The following SPMIP3 variants were observed in gnomAD, a reference collection of about 807,000 sequenced individuals.
SPMIP3 encodes the protein sperm microtubule inner protein 3.
At chr1:244,374,701 A>G in the SPMIP3 span, among the ~76,000 whole-genome samples, 1 of 146,436 alleles carries the variant, frequency 6.8e-6, no homozygotes, top group Admixed American at 7.1e-5. Flanking sequence ...AGTTAAAGCA[A>G]TTCTCCTGGC....
At chr1:244,372,563 C>T in the SPMIP3 span, among the ~76,000 whole-genome samples, 1 of 152,096 alleles carries the variant, frequency 6.6e-6, no homozygotes, top group African/African-American at 2.4e-5. Context: ...CCTGCCCCAG[C>T]CTCCCAAATA....
At chr1:244,375,585 A>G in the SPMIP3 span, 1 of 641,884 alleles carries the variant, frequency 1.6e-6, no homozygotes, top group South Asian at 2.4e-5. Context: ...CAAAAATAAT[A>G]ATGGATAGAA....
At chr1:244,384,581 G>A in the SPMIP3 span, among the ~76,000 whole-genome samples, 13 of 152,144 alleles carry the variant, frequency 8.5e-5, no homozygotes, top group African/African-American at 1.2e-4. Context: ...CCCAATACCA[G>A]TTAAATCAGG....
chr1:244,371,622 G>A, the SPMIP3 span, among the ~76,000 whole-genome samples: 5 of 152,186 alleles, frequency 3.3e-5, no homozygotes, highest in African/African-American at 7.2e-5. Context: ...AAGGAGCAGC[G>A]CTGAGTTTAC....
the SPMIP3 span, chr1:244,375,395 G>A: frequency 6.2e-7 from 1 of 1,613,850 alleles, no homozygotes; most frequent in East Asian, 2.2e-5. Context: ...CACCAAGGAA[G>A]AGACGTTCAA....
At chr1:244,354,967 C>G in the SPMIP3 span, among the ~76,000 whole-genome samples, 1 of 152,198 alleles carries the variant, frequency 6.6e-6, no homozygotes, top group Non-Finnish European at 1.5e-5. Context: ...CTGACATTAT[C>G]TCCTCTACCA....
At chr1:244,387,581 G>C in the SPMIP3 span, among the ~76,000 whole-genome samples, 1 of 152,206 alleles carries the variant, frequency 6.6e-6, no homozygotes, top group African/African-American at 2.4e-5. Flanking sequence ...TGGCTGTGTG[G>C]CCCTGGGCAA....
the SPMIP3 span, among the ~76,000 whole-genome samples, chr1:244,354,250 T>G: frequency 6.6e-6 from 1 of 152,128 alleles, no homozygotes; most frequent in East Asian, 1.9e-4. Context: ...GATTAATTAA[T>G]AACTTGCTAG....
chr1:244,360,542 ACACACACACACACACATG>A, the SPMIP3 span, among the ~76,000 whole-genome samples: 154 of 62,696 alleles, frequency 2.5e-3, 4 homozygotes, highest in African/African-American at 8.0e-3. Flanking sequence ...ACACACACAC[ACACACACACACACACATG>A]CATGCATGGA....
the SPMIP3 span, among the ~76,000 whole-genome samples, chr1:244,360,040 C>T: frequency 5.3e-5 from 8 of 151,882 alleles, no homozygotes; most frequent in Non-Finnish European, 1.0e-4. Flanking sequence ...ACCCGGGAGG[C>T]GGAGGTTGCA....
chr1:244,367,268 G>A, the SPMIP3 span, among the ~76,000 whole-genome samples: 1 of 152,158 alleles, frequency 6.6e-6, no homozygotes, highest in Non-Finnish European at 1.5e-5. Context: ...TACATGCAAT[G>A]GGTTGAAGGG....
chr1:244,378,812 A>C, the SPMIP3 span, among the ~76,000 whole-genome samples: 1 of 151,622 alleles, frequency 6.6e-6, no homozygotes, highest in Non-Finnish European at 1.5e-5. Context: ...GGGGCTTCCC[A>C]AGGCTCCCCG....
the SPMIP3 span, chr1:244,389,080 C>T: frequency 2.5e-6 from 4 of 1,595,520 alleles, no homozygotes; most frequent in African/African-American, 1.3e-5. Context: ...CCACGGCATT[C>T]GAACAAAATA....
At chr1:244,388,659 G>A in the SPMIP3 span, among the ~76,000 whole-genome samples, 1 of 152,168 alleles carries the variant, frequency 6.6e-6, no homozygotes, top group Non-Finnish European at 1.5e-5. Context: ...CACTGATAAT[G>A]TACGACTAAA....
the SPMIP3 span, among the ~76,000 whole-genome samples, chr1:244,373,208 C>T: frequency 6.6e-6 from 1 of 151,096 alleles, no homozygotes; most frequent in African/African-American, 2.4e-5. Flanking sequence ...TAATGAGACC[C>T]TGTCTTTTAA....
the SPMIP3 span, among the ~76,000 whole-genome samples, chr1:244,374,839 C>A: frequency 1.3e-5 from 2 of 151,990 alleles, no homozygotes; most frequent in African/African-American, 4.8e-5. Context: ...CCCAAGTGAT[C>A]CACCCACCTT....
the SPMIP3 span, among the ~76,000 whole-genome samples, chr1:244,387,105 C>T: frequency 4.3e-3 from 653 of 152,298 alleles, 5 homozygotes; most frequent in African/African-American, 0.015. Context: ...GAGTTCGAGA[C>T]TAGCCTGGCC....
chr1:244,378,137 G>A, the SPMIP3 span, among the ~76,000 whole-genome samples: 13 of 152,164 alleles, frequency 8.5e-5, no homozygotes, highest in South Asian at 1.0e-3. Flanking sequence ...ACAAACATCC[G>A]CAGAACAGTT....
chr1:244,358,293 A>ACATT, the SPMIP3 span, among the ~76,000 whole-genome samples: 2 of 151,400 alleles, frequency 1.3e-5, no homozygotes, highest in Non-Finnish European at 2.9e-5. Context: ...TGTGGTTTAA[A>ACATT]TATGTATGGG....
Sources: gnomAD v4.1 joint callset for allele counts (sites outside exome capture counted in the v4.1 genomes callset) on GRCh38, gnomAD v4.1.1 for gene constraint, MANE v1.5 for transcripts, NCBI Gene and HGNC (gene_info 2026-07-23, HGNC 2026-07-21) for gene names.